ZNF469: variants seen among roughly 807,000 people sequenced by gnomAD.
ZNF469 encodes the protein zinc finger protein 469.
A neutral mutation model predicts 1.0 loss-of-function variants in ZNF469; 1 was observed. The observed-to-expected ratio is 1.00, with a 90% CI of 0.35 to 4.73. ZNF469 has a LOEUF of 4.73. Among genes scored for constraint, ZNF469 ranks in the 30% most tolerant of loss-of-function variants. The pLI is 0.16. For synonymous variants in ZNF469, 2,703 were observed against 2,363.4 expected (o/e 1.14, Z -4.17); for missense variants, 6,100 against 5,356.3 (o/e 1.14, Z -4.33).
In ZNF469 at chr16:88,439,011, C is replaced by T; in HGVS notation, c.11541C>T (p.Thr3847=). ...APSAPDKPPR[T]PRKQATPSRV... is the part of the protein sequence containing the mutation. ...CAGCCCCTGACAAGCCCCCCCGGAC[C>T]CCTCGGAAGCAGGCAACTCCCAGCC... Residue 3847 remains threonine, a synonymous_variant, in exon 3 of 3, where the codon ACC becomes ACT. Transcript: ENST00000565624. 2.6e-6 allele frequency: 4 copies of T among 1,550,350 alleles called. No homozygotes were observed. Among genetic ancestry groups the T allele is most frequent in the Non-Finnish European group, 3.5e-6 (4 of 1,146,952 alleles).
chr16:88,322,218 C>T, the ZNF469 span, among the ~76,000 whole-genome samples: 94 of 152,292 alleles, frequency 6.2e-4, 1 homozygote, highest in Middle Eastern at 3.4e-3. Context: ...GAGCCGGGGG[C>T]GCTTTTCACC....
the ZNF469 span, among the ~76,000 whole-genome samples, chr16:88,323,134 C>T: frequency 6.6e-6 from 1 of 152,192 alleles, no homozygotes; most frequent in Admixed American, 6.5e-5. Flanking sequence ...AGCTGCCGTT[C>T]CCTGGGTGCC....
chr16:88,386,031 C>T (rs1048855912), intron 1 of ZNF469, among the ~76,000 whole-genome samples: 5 of 152,178 alleles, frequency 3.3e-5, no homozygotes, highest in African/African-American at 7.2e-5. Flanking sequence ...AGATGGAGGC[C>T]GCCATAGGGA....
the ZNF469 span, among the ~76,000 whole-genome samples, chr16:88,264,566 T>A: frequency 5.1e-5 from 7 of 137,360 alleles, no homozygotes; most frequent in Admixed American, 5.4e-4. Flanking sequence ...CCCAGCCCCA[T>A]CTTCCTCCCA....
At chr16:88,342,135 G>T in the ZNF469 span, among the ~76,000 whole-genome samples, 1 of 152,238 alleles carries the variant, frequency 6.6e-6, no homozygotes, top group South Asian at 2.1e-4. Context: ...CTGAGGAGGC[G>T]CTGCGACAGG....
chr16:88,360,937 G>A, the ZNF469 span, among the ~76,000 whole-genome samples: 2 of 152,182 alleles, frequency 1.3e-5, no homozygotes, highest in Non-Finnish European at 2.9e-5. Context: ...GATGGTTTTG[G>A]GATGATTCAA....
chr16:88,337,374 T>C, the ZNF469 span, among the ~76,000 whole-genome samples: 3 of 152,200 alleles, frequency 2.0e-5, no homozygotes, highest in African/African-American at 7.2e-5. Context: ...AGATGTCCCT[T>C]GCTCTTCCGC....
In ZNF469 at chr16:88,428,098, C is replaced by T. The variant is rs976247345; in HGVS notation, c.628C>T (p.Pro210Ser). ...CACCCCCAGGCCCCCAGCCCCGGGGCCCCCCCAGAGCAGGGGCACCAGCCC... is the reference window on the plus strand; with the variant it reads ...CACCCCCAGGCCCCCAGCCCCGGGGTCCCCCCAGAGCAGGGGCACCAGCCC... ...SATPRPPAPGPPQSRGTSPLQ... is the reference protein window; with the variant it reads ...SATPRPPAPGSPQSRGTSPLQ... The change falls in exon 3 of 3, where the codon CCC becomes TCC. Residue 210 changes from proline (P) to serine (S), a missense_variant. Coordinates refer to ENST00000565624, the MANE Select transcript of ZNF469 (RefSeq NM_001367624.2). 5 of 1,548,926 alleles carry T rather than the reference C, an allele frequency of 3.2e-6. No homozygotes were observed. The African/African-American group carries it at 5.5e-5, about 17-fold the overall frequency.
At chr16:88,373,607 T>G in the ZNF469 span, among the ~76,000 whole-genome samples, 7 of 152,194 alleles carry the variant, frequency 4.6e-5, no homozygotes, top group Admixed American at 3.3e-4. Flanking sequence ...GGTGCCAACA[T>G]TCTCAGATGC....
Position 88,428,967 on chromosome 16 carries a change from G to C in ZNF469, c.1497G>C (p.Glu499Asp). 1 of 1,548,500 alleles carries C rather than the reference G, an allele frequency of 6.5e-7. No homozygotes were observed. Among genetic ancestry groups the C allele is most frequent in the Non-Finnish European group, 8.7e-7 (1 of 1,146,482 alleles). The change falls in exon 3 of 3, where the codon GAG (glutamate) becomes GAC (aspartate). Residue 499 changes from glutamate to aspartate, a missense_variant. By Grantham distance (45) the Glu-to-Asp change is conservative. Coordinates refer to ENST00000565624, the MANE Select transcript of ZNF469 (RefSeq NM_001367624.2). ...PTARPSPHGM[E>D]MLSRLPFPAG... ...CCCGGCCAAGTCCCCACGGAATGGA[G>C]ATGCTGAGCCGGCTGCCTTTCCCCG...
the ZNF469 span, among the ~76,000 whole-genome samples, chr16:88,108,952 C>T: frequency 6.6e-6 from 1 of 152,190 alleles, no homozygotes; most frequent in African/African-American, 2.4e-5. Context: ...GAGCCTGTGC[C>T]ACAGCTGCCC....
intron 1 of ZNF469, among the ~76,000 whole-genome samples, chr16:88,391,474 A>C: frequency 6.7e-6 from 1 of 149,402 alleles, no homozygotes; most frequent in Non-Finnish European, 1.5e-5. Context: ...GACAGACTGT[A>C]AGGGTTGGCT....
chr16:88,326,818 C>A, the ZNF469 span, among the ~76,000 whole-genome samples: 1 of 152,230 alleles, frequency 6.6e-6, no homozygotes, highest in South Asian at 2.1e-4. Context: ...CTGACCCCCC[C>A]GCTCTTTCCT....
chr16:88,343,991 C>A, the ZNF469 span, among the ~76,000 whole-genome samples: 233 of 151,330 alleles, frequency 1.5e-3, no homozygotes, highest in Non-Finnish European at 2.6e-3. Context: ...GGTGTGGATC[C>A]TGGACGGGAC....
the ZNF469 span, among the ~76,000 whole-genome samples, chr16:88,306,717 AG>A: frequency 3.9e-5 from 6 of 152,178 alleles, no homozygotes; most frequent in African/African-American, 1.4e-4. Context: ...GACCAGCACC[AG>A]GGTCCTTGCT....
chr16:88,184,043 T>C, the ZNF469 span, among the ~76,000 whole-genome samples: 1 of 151,830 alleles, frequency 6.6e-6, no homozygotes, highest in Admixed American at 6.6e-5. Context: ...TCTCCGGCAC[T>C]TTGAGGCGGG....
chr16:88,132,097 C>A, the ZNF469 span, among the ~76,000 whole-genome samples: 1 of 152,234 alleles, frequency 6.6e-6, no homozygotes, highest in Non-Finnish European at 1.5e-5. Flanking sequence ...TGGCCACTCT[C>A]CTCTCCATGT....
chr16:88,426,807 C>T (rs1289171094), intron 2 of ZNF469, among the ~76,000 whole-genome samples: 2 of 152,110 alleles, frequency 1.3e-5, no homozygotes, highest in South Asian at 2.1e-4. Flanking sequence ...ACCAGCCGCC[C>T]AGGCCCTGAG....
the ZNF469 span, among the ~76,000 whole-genome samples, chr16:88,306,806 G>A: frequency 3.3e-5 from 5 of 152,360 alleles, no homozygotes; most frequent in Non-Finnish European, 7.3e-5. Flanking sequence ...AGATGGTAAG[G>A]AGTGGGGGAA....
Sources: allele counts gnomAD v4.1 joint callset (sites outside exome capture counted in the v4.1 genomes callset), GRCh38; gene constraint gnomAD v4.1.1; transcripts MANE v1.5; gene names NCBI Gene and HGNC (gene_info 2026-07-23, HGNC 2026-07-21).